Variants in TGIF1 observed in about 807,000 individuals in gnomAD.
TGIF1 encodes the protein TGFB induced factor homeobox 1, also known as homeobox protein TGIF1.
Under a neutral mutation model 19.3 loss-of-function variants are expected in TGIF1, and 4 were observed. The observed-to-expected ratio is 0.21, with a 90% CI of 0.10 to 0.47. The LOEUF (loss-of-function observed/expected upper bound fraction) is 0.47, where lower values mean the gene tolerates loss of function less well. TGIF1 is among the 20% of genes least tolerant of loss of function. The pLI is 0.98. For missense variants in TGIF1, 275 were observed against 341.4 expected, an observed-to-expected ratio of 0.81 and a Z score of 1.53; for synonymous variants, 122 against 129.3, an observed-to-expected ratio of 0.94 and a Z score of 0.38.
chr18:3,436,175 A>C (rs1010691303), intron 2 of TGIF1, among the ~76,000 whole-genome samples: 1 of 152,218 alleles, frequency 6.6e-6, no homozygotes, highest in African/African-American at 2.4e-5. Flanking sequence ...AATATTTGTC[A>C]ATATTTGTCA....
chr18:3,444,887 G>C (rs2143252899), intron 2 of TGIF1, among the ~76,000 whole-genome samples: 2 of 152,272 alleles, frequency 1.3e-5, no homozygotes, highest in South Asian at 4.1e-4. Context: ...ATAAAGGATT[G>C]AGCTAGATTT....
chr18:3,452,223 C>G (rs1323569991), intron 1 of TGIF1: 1 of 1,481,454 alleles, frequency 6.8e-7, no homozygotes, highest in Non-Finnish European at 9.4e-7. Flanking sequence ...CTGCGCCCCC[C>G]CTCCTCCACC....
chr18:3,439,423 C>A (rs77833298), intron 2 of TGIF1, among the ~76,000 whole-genome samples: 1 of 151,396 alleles, frequency 6.6e-6, no homozygotes, highest in East Asian at 1.9e-4. Flanking sequence ...CTCGGCTCAC[C>A]GCAACCTCCT....
chr18:3,453,398 A>G (rs2083052007), intron 1 of TGIF1, among the ~76,000 whole-genome samples: 1 of 151,998 alleles, frequency 6.6e-6, no homozygotes, highest in Non-Finnish European at 1.5e-5. Context: ...CAGAAAAGAA[A>G]GTGCAGGGCT....
chr18:3,434,057 T>G (rs2082584972), intron 2 of TGIF1, among the ~76,000 whole-genome samples: 1 of 152,198 alleles, frequency 6.6e-6, no homozygotes, highest in Non-Finnish European at 1.5e-5. Context: ...AGAGATCTTG[T>G]ACCATCTTGC....
upstream of TGIF1, among the ~76,000 whole-genome samples, chr18:3,445,778 A>AAAAAC: frequency 6.9e-6 from 1 of 143,956 alleles, no homozygotes; most frequent in African/African-American, 2.5e-5. Flanking sequence ...AAAAAAAAAA[A>AAAAAC]AAAAAAAAAG....
At chr18:3,412,706 A>T (rs1421395476) in intron 1 of TGIF1, 1 of 152,352 alleles carries the variant, frequency 6.6e-6, no homozygotes, top group East Asian at 1.9e-4. Flanking sequence ...GAGTGGCATG[A>T]CTGCATTCCG....
At chr18:3,417,597 T>C (rs1315296145) in intron 1 of TGIF1, among the ~76,000 whole-genome samples, 1 of 152,242 alleles carries the variant, frequency 6.6e-6, no homozygotes, top group Non-Finnish European at 1.5e-5. Context: ...TATAACTATA[T>C]CTATTTTTGT....
At position 3,450,244 on chromosome 18, in the gene TGIF1, G is replaced by A; in HGVS notation, c.-246G>A. 24 of 1,426,576 alleles carry A rather than the reference G, an allele frequency of 1.7e-5. No individual in the cohort carries two copies. Among genetic ancestry groups the A allele is most frequent in the Non-Finnish European group, 2.2e-5 (24 of 1,094,532 alleles). The allele number at this position is 1,426,576 out of a possible 1,614,324, so 88.4% of individuals were successfully genotyped here. On this transcript the variant is annotated 5_prime_UTR_variant, in exon 1 of 3. Transcript: ENST00000343820. Reference sequence around the variant, plus strand: ...GCGGAGAGGGGAGGGGAGAGAGTTGGGCGAGGGAGAGCCCCCGGCCGGCTG... The same window carrying A: ...GCGGAGAGGGGAGGGGAGAGAGTTGAGCGAGGGAGAGCCCCCGGCCGGCTG...
chr18:3,448,534 T>G (rs1191782005), upstream of TGIF1: 1 of 988,830 alleles, frequency 1.0e-6, no homozygotes, highest in Non-Finnish European at 1.2e-6. Context: ...CCCCGAGCCG[T>G]TTTAGGTGTG....
chr18:3,413,246 T>C (rs2082292726), intron 1 of TGIF1, among the ~76,000 whole-genome samples: 1 of 152,246 alleles, frequency 6.6e-6, no homozygotes, highest in Non-Finnish European at 1.5e-5. Flanking sequence ...CGGAACTGTT[T>C]TTATGTTAAA....
chr18:3,421,915 C>T (rs1159716341), intron 2 of TGIF1, among the ~76,000 whole-genome samples: 2 of 151,654 alleles, frequency 1.3e-5, no homozygotes, highest in Non-Finnish European at 2.9e-5. Flanking sequence ...GGATATTGGC[C>T]GGGCACAGTG....
intron 1 of TGIF1, among the ~76,000 whole-genome samples, chr18:3,454,407 TGA>T (rs34543892): frequency 0.014 from 2,080 of 152,320 alleles, 49 homozygotes; most frequent in African/African-American, 0.047. Context: ...ATAATAGCCT[TGA>T]GAAGAATGTC....
chr18:3,457,613 A>G lies in TGIF1; in HGVS notation c.492A>G (p.Gly164=), dbSNP rs1288625868. 1 of 1,614,060 alleles carries G rather than the reference A, an allele frequency of 6.2e-7. No homozygotes were observed. Among genetic ancestry groups the G allele is most frequent in the Non-Finnish European group, 8.5e-7 (1 of 1,180,044 alleles). Residue 164 remains glycine, a synonymous_variant, in exon 3 of 3, where the codon GGA becomes GGG. Transcript: ENST00000343820. The surrounding 1 kb of genome is among the most constrained non-coding windows in gnomAD (Gnocchi z 4.9). ...RPLSPKPSSP[G]SVLARPSVIC... is the part of the protein sequence containing the mutation. ...TGTCTCCTAAGCCGTCATCCCCGGG[A>G]TCAGTTTTGGCTCGTCCATCAGTGA... is the stretch of plus-strand genomic sequence containing the variant.
intron 2 of TGIF1, among the ~76,000 whole-genome samples, chr18:3,436,570 G>A (rs892600775): frequency 3.3e-5 from 5 of 152,220 alleles, no homozygotes; most frequent in African/African-American, 1.2e-4. Context: ...TGTAATTCCA[G>A]CACTTTGGGA....
intron 1 of TGIF1, chr18:3,455,215 T>C (rs2083128262): frequency 6.6e-6 from 1 of 152,186 alleles, no homozygotes; most frequent in Non-Finnish European, 1.5e-5. Flanking sequence ...CAAAAGAATG[T>C]ATTTCTTTAG....
At chr18:3,442,475 C>T (rs973838659) in intron 2 of TGIF1, among the ~76,000 whole-genome samples, 2 of 151,892 alleles carry the variant, frequency 1.3e-5, no homozygotes, top group Non-Finnish European at 2.9e-5. Flanking sequence ...CTGCTTTTTG[C>T]TCTTTGTCAG....
chr18:3,421,002 T>A (rs1331198548), intron 2 of TGIF1, among the ~76,000 whole-genome samples: 2 of 152,132 alleles, frequency 1.3e-5, no homozygotes, highest in Non-Finnish European at 2.9e-5. Context: ...CCTCATAACA[T>A]TTTGGTCAAA....
chr18:3,443,398 G>A (rs374266924), intron 2 of TGIF1, among the ~76,000 whole-genome samples: 1 of 152,082 alleles, frequency 6.6e-6, no homozygotes, highest in South Asian at 2.1e-4. Context: ...CTGTAAGGTG[G>A]GGATAATAAT....
Sources: gnomAD v4.1 joint callset for allele counts (sites outside exome capture counted in the v4.1 genomes callset) on GRCh38, gnomAD v4.1.1 for gene constraint, Gnocchi (gnomAD v3.1) non-coding constraint, MANE v1.5 for transcripts, NCBI Gene and HGNC (gene_info 2026-07-23, HGNC 2026-07-21) for gene names.